The following CD83 variants were observed in gnomAD, a reference collection of about 807,000 sequenced individuals.
CD83 encodes CD83 antigen.
Under a neutral mutation model 24.6 loss-of-function variants are expected in CD83, and 22 were observed. That is an observed-to-expected ratio of 0.90 (90% CI 0.64 to 1.28). The LOEUF is 1.28. Ranked by LOEUF, CD83 falls within the 50% of genes most tolerant of loss-of-function variation. The pLI is 0.00. For missense variants in CD83, 253 were observed against 252.8 expected (o/e 1.00, Z -0.01); for synonymous variants, 101 against 103.5 (o/e 0.98, Z 0.14).
intron 2 of CD83, among the ~76,000 whole-genome samples, chr6:14,124,457 A>T (rs535975783): frequency 6.6e-6 from 1 of 152,298 alleles, no homozygotes; most frequent in Non-Finnish European, 1.5e-5. Flanking sequence ...ACAGTTCATA[A>T]TCACCTTGGA....
chr6:14,118,702 C>G (rs1759602062), intron 2 of CD83, among the ~76,000 whole-genome samples: 1 of 152,318 alleles, frequency 6.6e-6, no homozygotes, highest in African/African-American at 2.4e-5. Context: ...TGTGTAAGAA[C>G]AGGCCTTGCT....
At chr6:14,130,987 C>T (rs554850663) in intron 2 of CD83, among the ~76,000 whole-genome samples, 1 of 152,310 alleles carries the variant, frequency 6.6e-6, no homozygotes, top group East Asian at 1.9e-4. Context: ...GAGACACAGC[C>T]CTTGAGGAAC....
chr6:14,117,922 C>A lies in CD83; in HGVS notation c.38-28C>A. 6.3e-7 allele frequency: 1 copy of A among 1,595,576 alleles called. No homozygotes were observed. On this transcript the variant is annotated intron_variant, in intron 1 of 4. Transcript: ENST00000379153. This position sits in a 1 kb window ranked among gnomAD's most constrained non-coding sequence, Gnocchi z 4.6. ...GACACCCCCTCCCGTCGGTCGCTTG[C>A]TCACGACGCGCTCTCTCTTTCTTGT...
intron 2 of CD83, among the ~76,000 whole-genome samples, chr6:14,131,236 G>A (rs1419312966): frequency 5.9e-5 from 9 of 152,184 alleles, no homozygotes; most frequent in Admixed American, 5.9e-4. Flanking sequence ...TTCACACACA[G>A]CATATCACTG....
intron 4 of CD83, among the ~76,000 whole-genome samples, chr6:14,134,242 TA>T (rs1412661875): frequency 6.6e-6 from 1 of 152,244 alleles, no homozygotes; most frequent in African/African-American, 2.4e-5. Context: ...GCCCATGCCT[TA>T]AGAATTAATC....
chr6:14,120,050 A>C (rs188056430), intron 2 of CD83, among the ~76,000 whole-genome samples: 1 of 152,338 alleles, frequency 6.6e-6, no homozygotes, highest in African/African-American at 2.4e-5. Context: ...AGCTCTGTCA[A>C]GAAAAAAAGG....
intron 2 of CD83, among the ~76,000 whole-genome samples, chr6:14,120,844 G>A (rs1164698505): frequency 6.6e-6 from 1 of 152,214 alleles, no homozygotes; most frequent in Non-Finnish European, 1.5e-5. Context: ...AAAACAGACA[G>A]CATCCAATCT....
At chr6:14,133,295 AGGCAGACAG>A (rs1757963873) in intron 3 of CD83, among the ~76,000 whole-genome samples, 2 of 152,268 alleles carry the variant, frequency 1.3e-5, no homozygotes, top group South Asian at 4.1e-4. Flanking sequence ...TCCGAAGTGC[AGGCAGACAG>A]GCCGCAGGAT....
intron 2 of CD83, among the ~76,000 whole-genome samples, chr6:14,130,417 T>C (rs1349712207): frequency 6.6e-6 from 1 of 152,202 alleles, no homozygotes; most frequent in Non-Finnish European, 1.5e-5. Context: ...TCCACCAGTT[T>C]GATCACAAAG....
At chr6:14,118,753 C>T (rs1759603190) in intron 2 of CD83, among the ~76,000 whole-genome samples, 2 of 152,186 alleles carry the variant, frequency 1.3e-5, no homozygotes, top group African/African-American at 4.8e-5. Context: ...GAGGCTTTTT[C>T]AAGGTTTCCT....
At chr6:14,131,781 G>A in intron 3 of CD83, 33 bp downstream of exon 3, 2 of 1,418,498 alleles carry the variant, frequency 1.4e-6, no homozygotes, top group Non-Finnish European at 1.0e-6. Flanking sequence ...TTTTCTTCTT[G>A]AACAATGCAT....
intron 2 of CD83, among the ~76,000 whole-genome samples, chr6:14,128,795 C>T (rs565124746): frequency 3.3e-5 from 5 of 152,264 alleles, no homozygotes; most frequent in African/African-American, 9.6e-5. Context: ...AAATAACTAG[C>T]GGCCCACTGA....
chr6:14,118,245 G>C (rs1177280317), intron 2 of CD83, among the ~76,000 whole-genome samples, 180 bp downstream of exon 2: 2 of 152,266 alleles, frequency 1.3e-5, no homozygotes, highest in Middle Eastern at 3.4e-3. Flanking sequence ...CCGCATCCAG[G>C]TACAGGGCCG....
intron 2 of CD83, among the ~76,000 whole-genome samples, chr6:14,130,434 C>A (rs1757861468): frequency 1.3e-5 from 2 of 152,178 alleles, no homozygotes; most frequent in South Asian, 2.1e-4. Flanking sequence ...AAAGAATTCA[C>A]AGAAAGCAAG....
chr6:14,121,038 C>T (rs1346350645), intron 2 of CD83, among the ~76,000 whole-genome samples: 1 of 152,198 alleles, frequency 6.6e-6, no homozygotes, highest in Admixed American at 6.5e-5. Flanking sequence ...GGACCATGTC[C>T]TCTTAACTGG....
At chr6:14,126,764 T>C (rs1287748869) in intron 2 of CD83, among the ~76,000 whole-genome samples, 1 of 152,240 alleles carries the variant, frequency 6.6e-6, no homozygotes, top group Non-Finnish European at 1.5e-5. Context: ...ATTGGCACTT[T>C]AATTGAGTTA....
chr6:14,124,233 G>A (rs1183491922), intron 2 of CD83, among the ~76,000 whole-genome samples: 3 of 152,156 alleles, frequency 2.0e-5, no homozygotes, highest in African/African-American at 7.2e-5. Context: ...TTTCTTGGAG[G>A]ACCAGTCTAC....
At chr6:14,133,247 C>T (rs928057813) in intron 3 of CD83, among the ~76,000 whole-genome samples, 1 of 152,222 alleles carries the variant, frequency 6.6e-6, no homozygotes, top group Non-Finnish European at 1.5e-5. Flanking sequence ...GGTGGTTCAT[C>T]TGGTAGGAGG....
chr6:14,132,094 C>A (rs997496696), intron 3 of CD83, among the ~76,000 whole-genome samples: 1 of 152,198 alleles, frequency 6.6e-6, no homozygotes, highest in African/African-American at 2.4e-5. Flanking sequence ...AGAGTACAGT[C>A]CCTGTTTAAG....
Sources: gnomAD v4.1 joint callset for allele counts (sites outside exome capture counted in the v4.1 genomes callset) on GRCh38, gnomAD v4.1.1 for gene constraint, Gnocchi (gnomAD v3.1) non-coding constraint, MANE v1.5 for transcripts, NCBI Gene and HGNC (gene_info 2026-07-23, HGNC 2026-07-21) for gene names.